ZNF85: variants seen among roughly 807,000 people sequenced by gnomAD.
ZNF85 encodes the protein zinc finger protein 85, also known as zinc finger protein 85 (HPF4, HTF1).
ZNF85 carries 50 observed loss-of-function variants against 53.9 expected under a neutral mutation model. The observed-to-expected ratio is 0.93, with a 90% CI of 0.74 to 1.17. The LOEUF (loss-of-function observed/expected upper bound fraction) is 1.17, where lower values mean the gene tolerates loss of function less well. ZNF85 is among the 50% of genes most tolerant of loss of function. ZNF85 has a pLI of 0.00. For synonymous variants in ZNF85, 225 were observed against 226.1 expected, an observed-to-expected ratio of 1.00 and a Z score of 0.04; for missense variants, 747 against 688.5, an observed-to-expected ratio of 1.08 and a Z score of -0.95.
intron 1 of ZNF85, among the ~76,000 whole-genome samples, chr19:20,933,192 C>CAA (rs10532648): frequency 1.0e-4 from 11 of 108,710 alleles, no homozygotes; most frequent in African/African-American, 3.6e-4. Flanking sequence ...GACTCCGTCT[C>CAA]AAAAAAAAAA....
In ZNF85 at chr19:20,949,494, CA is replaced by C; in HGVS notation, c.983del (p.Asn328ThrfsTer7). 1 of 1,613,490 alleles carries C rather than the reference CA, an allele frequency of 6.2e-7. No individual in the cohort carries two copies. The highest frequency in any genetic ancestry group is 8.5e-7 in the Non-Finnish European group (1 of 1,179,760). ...TGTGGCAAAGCCTTTAAGCAGTCCT[CA>C]AACCTTACTACACATAAGATAATTC... is the stretch of plus-strand genomic sequence containing the variant. The part of the protein sequence containing the change: ...EECGKAFKQS[S>X]NLTTHKIIHT... On this transcript the variant is annotated frameshift_variant, in exon 4 of 4. Coordinates refer to ENST00000328178, the MANE Select transcript of ZNF85 (RefSeq NM_003429.5). LOFTEE classifies it high-confidence loss of function.
chr19:20,946,844 C>T (rs1973434308), intron 3 of ZNF85, among the ~76,000 whole-genome samples: 2 of 151,876 alleles, frequency 1.3e-5, no homozygotes, highest in African/African-American at 4.8e-5. Flanking sequence ...GCAACTGACT[C>T]TTGTAGAAAG....
intron 1 of ZNF85, among the ~76,000 whole-genome samples, chr19:20,929,401 T>G (rs1241508052): frequency 6.6e-6 from 1 of 151,960 alleles, no homozygotes; most frequent in Non-Finnish European, 1.5e-5. Context: ...CTTGGCCAGG[T>G]TGGTCTCAAA....
chr19:20,938,878 A>G (rs6511172), intron 3 of ZNF85, among the ~76,000 whole-genome samples: 93,532 of 141,696 alleles, frequency 0.66, 29,789 homozygotes, highest in Non-Finnish European at 0.72. Context: ...GTGTGTGTGT[A>G]TATATATGTG....
At position 20,949,962 on chromosome 19, in the gene ZNF85, A is replaced by T. The variant is rs575603166; in HGVS notation, c.1448A>T (p.Lys483Ile). ...AGTCATACAGAAGAGAAACCTTACA[A>T]ATGTGAAGAATGTGGCAAAGGTTTT... ...KKSHTEEKPY[K>I]CEECGKGFKW... is the part of the protein sequence containing the mutation. The change falls in exon 4 of 4, where the codon AAA (lysine) becomes ATA (isoleucine). Residue 483 changes from lysine (K) to isoleucine (I), a missense_variant. Coordinates refer to ENST00000328178, the MANE Select transcript of ZNF85 (RefSeq NM_003429.5). 6.2e-7 allele frequency: 1 copy of T among 1,611,178 alleles called. No homozygotes were observed. Among genetic ancestry groups the T allele is most frequent in the Non-Finnish European group, 8.5e-7 (1 of 1,178,090 alleles).
At chr19:20,930,604 G>A (rs1972993607) in intron 1 of ZNF85, among the ~76,000 whole-genome samples, 1 of 152,142 alleles carries the variant, frequency 6.6e-6, no homozygotes, top group South Asian at 2.1e-4. Flanking sequence ...CCAACACAGT[G>A]CTTTTTAACA....
chr19:20,928,186 C>G (rs758916154), intron 1 of ZNF85: 3 of 152,086 alleles, frequency 2.0e-5, no homozygotes, highest in Non-Finnish European at 4.4e-5. Context: ...TGACTGGCAT[C>G]TGTAATGAGG....
In ZNF85 at chr19:20,949,156, C is replaced by T; in HGVS notation, c.642C>T (p.Ser214=). 1 of 1,613,442 alleles carries T rather than the reference C, an allele frequency of 6.2e-7. No homozygotes were observed. The highest frequency in any genetic ancestry group is 1.1e-5 in the South Asian group (1 of 91,026). The change falls in exon 4 of 4, where the codon TCC becomes TCT. Residue 214 remains serine (S), a synonymous_variant. Coordinates refer to ENST00000328178, the MANE Select transcript of ZNF85 (RefSeq NM_003429.5). ...CEECGKAFNW[S]STLTKHKRIH... is the part of the protein sequence containing the mutation. The stretch of plus-strand genomic sequence containing the variant: ...AATGTGGAAAAGCCTTTAACTGGTC[C>T]TCAACCCTTACTAAACATAAGAGAA...
rs1390904933 is a variant in ZNF85 at position 20,923,383 on chromosome 19, C to A, written c.-18C>A. 1.2e-6 allele frequency: 2 copies of A among 1,613,936 alleles called. No individual in the cohort carries two copies. The highest frequency in any genetic ancestry group is 1.7e-5 in the Admixed American group (1 of 59,996). ...GAGATCCACAGCTAAGACGCCGGGA[C>A]CCCCTGGAAGCCTAGAAATGGTGAG... On this transcript the variant is annotated 5_prime_UTR_variant, in exon 1 of 4. Coordinates refer to ENST00000328178, the MANE Select transcript of ZNF85 (RefSeq NM_003429.5).
intron 3 of ZNF85, among the ~76,000 whole-genome samples, chr19:20,940,951 A>C (rs1973280904): frequency 6.6e-6 from 1 of 152,200 alleles, no homozygotes; most frequent in African/African-American, 2.4e-5. Flanking sequence ...ATACTGGTAC[A>C]ATAAACATGG....
intron 3 of ZNF85, among the ~76,000 whole-genome samples, chr19:20,944,810 T>A (rs949492940): frequency 4.6e-5 from 7 of 152,114 alleles, no homozygotes; most frequent in African/African-American, 1.7e-4. Context: ...ATATTATAAT[T>A]GTGTATGAAA....
At chr19:20,935,983 TTTC>T (rs1392310852) in intron 3 of ZNF85, among the ~76,000 whole-genome samples, 3 of 152,220 alleles carry the variant, frequency 2.0e-5, no homozygotes, top group African/African-American at 7.2e-5. Flanking sequence ...CTCTAGTTTC[TTTC>T]TATGATATCT....
At chr19:20,930,120 C>CAAAAAAAAAAAAA (rs57832039) in intron 1 of ZNF85, among the ~76,000 whole-genome samples, 3 of 79,256 alleles carry the variant, frequency 3.8e-5, no homozygotes, top group Non-Finnish European at 6.8e-5. Context: ...GACTCCGTCC[C>CAAAAAAAAAAAAA]AAAAAAAAAA....
At chr19:20,928,874 T>G in intron 1 of ZNF85, among the ~76,000 whole-genome samples, 1 of 152,090 alleles carries the variant, frequency 6.6e-6, no homozygotes, top group East Asian at 1.9e-4. Context: ...CCCATGAAGT[T>G]TTTTTCTTTT....
At chr19:20,938,872 G>A (rs1416230795) in intron 3 of ZNF85, among the ~76,000 whole-genome samples, 7 of 142,204 alleles carry the variant, frequency 4.9e-5, no homozygotes, top group East Asian at 2.1e-4. Context: ...GTGTGTGTGT[G>A]TGTGTATATA....
At chr19:20,929,039 C>T (rs1972945818) in intron 1 of ZNF85, among the ~76,000 whole-genome samples, 1 of 152,114 alleles carries the variant, frequency 6.6e-6, no homozygotes, top group African/African-American at 2.4e-5. Context: ...TCACCCTCCA[C>T]CCTTACTAGG....
At position 20,947,488 on chromosome 19, in the gene ZNF85, C is replaced by CTTTTTTTTTT. The variant is rs768097517; in HGVS notation, c.230-1236_230-1227dup. On this transcript the variant is annotated intron_variant, in intron 3 of 3. Coordinates refer to ENST00000328178, the MANE Select transcript of ZNF85 (RefSeq NM_003429.5). ...GTAGGGCATATGCAGTGCCAATACA[C>CTTTTTTTTTT]TTTTTTTTTTTTTTTTTTTTTTTTT... 9.7e-5 allele frequency among the ~76,000 whole-genome samples: 5 copies of CTTTTTTTTTT among 51,638 alleles called. 1 individual carries two copies. The highest frequency in any genetic ancestry group is 8.0e-4 in the East Asian group (1 of 1,254). 33.9% of individuals were successfully genotyped at this position (51,638 alleles called of 152,430 possible).
chr19:20,933,985 GTGTGTGTGTGTGTA>G lies in ZNF85; in HGVS notation c.4-33_4-20del, dbSNP rs760910892. 257 of 1,407,590 alleles carry G rather than the reference GTGTGTGTGTGTGTA, an allele frequency of 1.8e-4. No individual in the cohort carries two copies. The South Asian group carries it at 2.2e-3, about 12-fold the overall frequency. 87.2% of individuals were successfully genotyped at this position (1,407,590 alleles called of 1,614,324 possible). A position where few individuals can be genotyped will look rare whatever the true frequency, so the allele number is the denominator to read the frequency against. On this transcript the variant is annotated intron_variant, in intron 1 of 3. Coordinates refer to ENST00000328178, the MANE Select transcript of ZNF85 (RefSeq NM_003429.5). ...TGTGTGTGTGTGTGTGTGTGTGTGT[GTGTGTGTGTGTGTA>G]TGTGTATGTGTGTGTATCTTTCAGG...
At chr19:20,925,455 CAA>C (rs71174767) in intron 1 of ZNF85, among the ~76,000 whole-genome samples, 26 of 97,142 alleles carry the variant, frequency 2.7e-4, no homozygotes, top group Admixed American at 7.3e-4. Context: ...AGACTGTATA[CAA>C]AAAAAAAAAA....
Sources: gnomAD v4.1 joint callset for allele counts (sites outside exome capture counted in the v4.1 genomes callset) on GRCh38, gnomAD v4.1.1 for gene constraint, MANE v1.5 for transcripts, NCBI Gene and HGNC (gene_info 2026-07-23, HGNC 2026-07-21) for gene names.